Variants in CDKAL1 observed in about 807,000 individuals in gnomAD.
CDKAL1 encodes threonylcarbamoyladenosine tRNA methylthiotransferase.
Under a neutral mutation model 68.2 loss-of-function variants are expected in CDKAL1, and 32 were observed. The ratio of observed to expected loss-of-function variants is 0.47; its 90% CI spans 0.35 to 0.63. The LOEUF is 0.63. CDKAL1 is among the 30% of genes least tolerant of loss of function. The pLI is 0.00. For synonymous variants in CDKAL1, 234 were observed against 244.3 expected (o/e 0.96, Z 0.39); for missense variants, 606 against 696.7 (o/e 0.87, Z 1.47).
At chr6:20,824,193 A>C (rs1364613121) in intron 8 of CDKAL1, among the ~76,000 whole-genome samples, 1 of 152,112 alleles carries the variant, frequency 6.6e-6, no homozygotes, top group Non-Finnish European at 1.5e-5. Flanking sequence ...AAAGGATATG[A>C]AGCCTCTTGA....
chr6:20,875,591 A>G (rs1760471684), intron 9 of CDKAL1, among the ~76,000 whole-genome samples: 1 of 152,170 alleles, frequency 6.6e-6, no homozygotes, highest in African/African-American at 2.4e-5. Context: ...CGCTGTAAGC[A>G]TTTAATTTGG....
chr6:20,907,135 G>C (rs1281500942), intron 9 of CDKAL1, among the ~76,000 whole-genome samples: 2 of 151,824 alleles, frequency 1.3e-5, no homozygotes, highest in African/African-American at 2.4e-5. Context: ...AGATGAAAAA[G>C]TTCTGAAGAT....
intron 5 of CDKAL1, among the ~76,000 whole-genome samples, chr6:20,650,023 A>G (rs1768678283): frequency 6.6e-6 from 1 of 152,224 alleles, no homozygotes; most frequent in African/African-American, 2.4e-5. Flanking sequence ...TGCAATGAAC[A>G]TATGTGTGCA....
chr6:20,540,184 C>T (rs1020835899), intron 2 of CDKAL1, among the ~76,000 whole-genome samples: 1 of 150,940 alleles, frequency 6.6e-6, no homozygotes, highest in Non-Finnish European at 1.5e-5. Flanking sequence ...GGCAATTCTC[C>T]TGCCTCAGCC....
intron 5 of CDKAL1, among the ~76,000 whole-genome samples, chr6:20,651,645 G>T (rs1768776013): frequency 6.6e-6 from 1 of 152,174 alleles, no homozygotes; most frequent in Non-Finnish European, 1.5e-5. Flanking sequence ...TTTTCAAAGG[G>T]AATGCTTCCA....
chr6:20,902,812 G>A (rs940881419), intron 9 of CDKAL1, among the ~76,000 whole-genome samples: 20 of 152,176 alleles, frequency 1.3e-4, no homozygotes, highest in African/African-American at 4.8e-4. Flanking sequence ...GGTAAGGGGG[G>A]TGACGGCAGG....
In CDKAL1 at chr6:21,142,314, GAAAAAA is replaced by G. The variant is rs71540615; in HGVS notation, c.1299+33863_1299+33868del. ...TAGTACTTAGCCAGAGCTGCCATATGAAAAAAAAAAAAAAAAATCTGCTCATCTGGA... is the reference window on the plus strand; with the variant it reads ...TAGTACTTAGCCAGAGCTGCCATATGAAAAAAAAAAATCTGCTCATCTGGA... On this transcript the variant is annotated intron_variant, in intron 13 of 15. Coordinates refer to ENST00000274695, the MANE Select transcript of CDKAL1 (RefSeq NM_017774.3). 4.6e-3 allele frequency among the ~76,000 whole-genome samples: 625 copies of G among 136,490 alleles called. 4 individuals carry two copies. Among genetic ancestry groups the G allele is most frequent in the Non-Finnish European group, 7.5e-3 (476 of 63,688 alleles). 89.5% of individuals were successfully genotyped at this position (136,490 alleles called of 152,430 possible).
At chr6:20,930,970 C>T (rs2150673344) in intron 9 of CDKAL1, among the ~76,000 whole-genome samples, 1 of 151,964 alleles carries the variant, frequency 6.6e-6, no homozygotes, top group Non-Finnish European at 1.5e-5. Context: ...GTCTCGATCT[C>T]CTGACCTCAT....
At chr6:20,965,131 T>C (rs1228460668) in intron 10 of CDKAL1, among the ~76,000 whole-genome samples, 1 of 152,068 alleles carries the variant, frequency 6.6e-6, no homozygotes, top group Non-Finnish European at 1.5e-5. Flanking sequence ...TTCAATACAG[T>C]GAGATCCGTC....
chr6:20,883,832 T>C (rs1760940138), intron 9 of CDKAL1, among the ~76,000 whole-genome samples: 1 of 152,312 alleles, frequency 6.6e-6, no homozygotes, highest in Admixed American at 6.5e-5. Flanking sequence ...TGATGGACTT[T>C]AGTGAAAAAA....
chr6:20,753,078 T>G (rs1248268009), intron 6 of CDKAL1, among the ~76,000 whole-genome samples: 1 of 152,224 alleles, frequency 6.6e-6, no homozygotes, highest in Non-Finnish European at 1.5e-5. Flanking sequence ...CATTTTAGTT[T>G]ATTCATAGAA....
intron 9 of CDKAL1, among the ~76,000 whole-genome samples, chr6:20,902,408 G>A (rs1271749845): frequency 6.6e-6 from 1 of 151,998 alleles, no homozygotes; most frequent in Non-Finnish European, 1.5e-5. Context: ...TGAGGTATGA[G>A]TAAGAGAGGG....
intron 11 of CDKAL1, among the ~76,000 whole-genome samples, chr6:21,016,089 A>G (rs1403376733): frequency 1.3e-5 from 2 of 151,916 alleles, no homozygotes; most frequent in African/African-American, 4.8e-5. Context: ...AAATAATTCT[A>G]TAATTACTAA....
chr6:21,160,656 C>CACGTGTGT (rs1554189726), intron 13 of CDKAL1, among the ~76,000 whole-genome samples: 1 of 127,988 alleles, frequency 7.8e-6, no homozygotes, highest in East Asian at 2.3e-4. Flanking sequence ...CACACACACA[C>CACGTGTGT]GTGTGTGTGT....
intron 4 of CDKAL1, among the ~76,000 whole-genome samples, chr6:20,595,747 G>A (rs543170783): frequency 1.3e-5 from 2 of 152,198 alleles, no homozygotes; most frequent in Admixed American, 6.5e-5. Flanking sequence ...TTGGAGAAGA[G>A]GCATTCTGGT....
intron 9 of CDKAL1, among the ~76,000 whole-genome samples, chr6:20,882,783 G>A (rs1482823057): frequency 6.6e-6 from 1 of 152,108 alleles, no homozygotes; most frequent in Non-Finnish European, 1.5e-5. Context: ...CATGTCCAGT[G>A]TCATTTCTGA....
intron 7 of CDKAL1, among the ~76,000 whole-genome samples, chr6:20,775,245 A>G (rs1431751145): frequency 1.3e-4 from 20 of 152,126 alleles, no homozygotes; most frequent in Admixed American, 1.3e-3. Flanking sequence ...GTTCCTATTA[A>G]TATTTCCTCC....
chr6:20,748,756 T>A (rs2473647), intron 6 of CDKAL1, among the ~76,000 whole-genome samples: 8,386 of 151,364 alleles, frequency 0.055, 265 homozygotes, highest in African/African-American at 0.094. Flanking sequence ...GGGGAAAGGA[T>A]AGTCTCTTTA....
At chr6:20,774,699 A>G (rs980127879) in intron 7 of CDKAL1, among the ~76,000 whole-genome samples, 1 of 152,252 alleles carries the variant, frequency 6.6e-6, no homozygotes, top group Non-Finnish European at 1.5e-5. Context: ...TTATGAATTC[A>G]GAAATGTGCA....
Sources: allele counts gnomAD v4.1 joint callset (sites outside exome capture counted in the v4.1 genomes callset), GRCh38; gene constraint gnomAD v4.1.1; transcripts MANE v1.5; gene names NCBI Gene and HGNC (gene_info 2026-07-23, HGNC 2026-07-21).